Variants in RPS6KC1 observed in about 807,000 individuals in gnomAD.
RPS6KC1 encodes ribosomal protein S6 kinase C1.
RPS6KC1 carries 54 observed loss-of-function variants against 103.8 expected under a neutral mutation model. The observed-to-expected ratio is 0.52, with a 90% CI of 0.42 to 0.65. The LOEUF (loss-of-function observed/expected upper bound fraction) is 0.65. Ranked by LOEUF, RPS6KC1 falls within the 30% of genes least tolerant of loss-of-function variation. RPS6KC1 has a pLI of 0.00. For missense variants in RPS6KC1, 1,151 were observed against 1,253.8 expected (o/e 0.92, Z 1.24); for synonymous variants, 439 against 438.7 (o/e 1.00, Z -0.01).
intron 1 of RPS6KC1, among the ~76,000 whole-genome samples, chr1:213,052,731 G>A (rs1022476909): frequency 6.6e-6 from 1 of 152,020 alleles, no homozygotes; most frequent in African/African-American, 2.4e-5. Flanking sequence ...TAGTAGAGAT[G>A]GGGTTTCTGC....
At chr1:213,503,995 A>G in the RPS6KC1 span, among the ~76,000 whole-genome samples, 1 of 152,226 alleles carries the variant, frequency 6.6e-6, no homozygotes, top group East Asian at 1.9e-4. Flanking sequence ...CTGAATGTTC[A>G]TCAAAAGGGG....
At chr1:213,397,097 C>T in the RPS6KC1 span, among the ~76,000 whole-genome samples, 1 of 152,084 alleles carries the variant, frequency 6.6e-6, no homozygotes, top group Non-Finnish European at 1.5e-5. Context: ...CCCAACACAT[C>T]GAATAAGATA....
At chr1:213,327,236 A>AAAAGAAAGAG in the RPS6KC1 span, among the ~76,000 whole-genome samples, 1 of 144,586 alleles carries the variant, frequency 6.9e-6, no homozygotes, top group Non-Finnish European at 1.5e-5. Context: ...GAAAGAAAAG[A>AAAAGAAAGAG]AAAGAAAGAA....
At chr1:213,166,457 T>C (rs1237027654) in intron 6 of RPS6KC1, among the ~76,000 whole-genome samples, 2 of 152,246 alleles carry the variant, frequency 1.3e-5, no homozygotes, top group Non-Finnish European at 2.9e-5. Context: ...TATACTCATT[T>C]TTCAACTGAG....
the RPS6KC1 span, among the ~76,000 whole-genome samples, chr1:213,679,926 A>C: frequency 3.9e-5 from 6 of 152,344 alleles, no homozygotes; most frequent in African/African-American, 1.4e-4. Context: ...AAAACTTGGC[A>C]TGTAAGACTC....
At chr1:213,808,651 G>C in the RPS6KC1 span, among the ~76,000 whole-genome samples, 1 of 152,236 alleles carries the variant, frequency 6.6e-6, no homozygotes, top group East Asian at 1.9e-4. Flanking sequence ...TATTTGGGTG[G>C]GAGTGACCCG....
chr1:213,233,380 A>G (rs1157208217), intron 10 of RPS6KC1, among the ~76,000 whole-genome samples: 1 of 152,222 alleles, frequency 6.6e-6, no homozygotes, highest in Non-Finnish European at 1.5e-5. Context: ...ACATTATTGA[A>G]TTAGAGGTCA....
At chr1:213,491,388 A>T in the RPS6KC1 span, among the ~76,000 whole-genome samples, 2 of 152,116 alleles carry the variant, frequency 1.3e-5, no homozygotes, top group East Asian at 3.9e-4. Flanking sequence ...TTTCTACCTA[A>T]AATCCAAAAA....
At chr1:213,087,416 T>G (rs1265187921) in intron 3 of RPS6KC1, among the ~76,000 whole-genome samples, 4 of 152,210 alleles carry the variant, frequency 2.6e-5, no homozygotes, top group Non-Finnish European at 5.9e-5. Context: ...GCTCTTACAG[T>G]GATAATTATT....
At chr1:213,133,627 T>C (rs2085915833) in intron 6 of RPS6KC1, among the ~76,000 whole-genome samples, 1 of 152,146 alleles carries the variant, frequency 6.6e-6, no homozygotes, top group African/African-American at 2.4e-5. Flanking sequence ...CATCATGAAT[T>C]ACAGAGTCGA....
At chr1:213,195,842 GTGTGTA>G (rs1455383082) in intron 8 of RPS6KC1, among the ~76,000 whole-genome samples, 4 of 150,856 alleles carry the variant, frequency 2.7e-5, no homozygotes, top group Non-Finnish European at 4.4e-5. Context: ...GTGTGTGTGT[GTGTGTA>G]TATATATACC....
the RPS6KC1 span, among the ~76,000 whole-genome samples, chr1:213,736,905 A>C: frequency 2.6e-5 from 4 of 152,208 alleles, no homozygotes; most frequent in African/African-American, 9.7e-5. Flanking sequence ...GAAACCTAAA[A>C]GGTTTCATCC....
intron 8 of RPS6KC1, among the ~76,000 whole-genome samples, chr1:213,215,848 A>G (rs2093644129): frequency 1.3e-5 from 2 of 152,224 alleles, no homozygotes; most frequent in Admixed American, 1.3e-4. Context: ...TGTCACCACC[A>G]GGCCTGCCCT....
the RPS6KC1 span, among the ~76,000 whole-genome samples, chr1:213,499,587 G>A: frequency 3.3e-5 from 5 of 152,172 alleles, no homozygotes; most frequent in Admixed American, 6.5e-5. Flanking sequence ...TCTCACAGGC[G>A]GTGGAGCTCA....
At chr1:213,580,807 AT>A in the RPS6KC1 span, among the ~76,000 whole-genome samples, 21,217 of 151,566 alleles carry the variant, frequency 0.14, 1,702 homozygotes, top group Non-Finnish European at 0.17. Flanking sequence ...TGTAGACATT[AT>A]TTTTTTAAGA....
intron 10 of RPS6KC1, among the ~76,000 whole-genome samples, chr1:213,237,992 G>T (rs1417152355): frequency 1.3e-5 from 2 of 151,736 alleles, no homozygotes; most frequent in South Asian, 2.1e-4. Context: ...TCCTTGAAAG[G>T]TTTTCAAAAA....
chr1:213,782,463 AT>A, the RPS6KC1 span, among the ~76,000 whole-genome samples: 1 of 152,086 alleles, frequency 6.6e-6, no homozygotes, highest in Non-Finnish European at 1.5e-5. Context: ...GAACTTGACT[AT>A]TTTGTGATGA....
At chr1:213,644,702 C>A in the RPS6KC1 span, among the ~76,000 whole-genome samples, 58 of 152,204 alleles carry the variant, frequency 3.8e-4, 1 homozygote, top group African/African-American at 1.3e-3. Context: ...GACTTGACAG[C>A]AAATGTCCTA....
chr1:213,434,546 C>T, the RPS6KC1 span, among the ~76,000 whole-genome samples: 1 of 152,162 alleles, frequency 6.6e-6, no homozygotes, highest in Admixed American at 6.5e-5. Flanking sequence ...ACCTCCGCCT[C>T]CTGGGTTCAA....
Sources: allele counts gnomAD v4.1 joint callset (sites outside exome capture counted in the v4.1 genomes callset), GRCh38; gene constraint gnomAD v4.1.1; transcripts MANE v1.5; gene names NCBI Gene and HGNC (gene_info 2026-07-23, HGNC 2026-07-21).